ITGB7: variants seen among roughly 807,000 people sequenced by gnomAD.
ITGB7 encodes integrin subunit beta 7, also known as integrin beta-7.
In ITGB7, 55 loss-of-function variants were observed where a neutral mutation model predicts 83.4. That is an observed-to-expected ratio of 0.66 (90% confidence interval 0.53 to 0.83). The LOEUF is 0.83. ITGB7 is among the 40% of genes least tolerant of loss of function. ITGB7 has a pLI of 0.00. For synonymous variants in ITGB7, 454 were observed against 423.6 expected, an observed-to-expected ratio of 1.07 and a Z score of -0.88; for missense variants, 921 against 1,046.7, an observed-to-expected ratio of 0.88 and a Z score of 1.66.
At chr12:53,194,020 C>T in intron 10 of ITGB7, 119 bp from the exon 11 acceptor site, 2 of 1,303,332 alleles carry the variant, frequency 1.5e-6, no homozygotes, top group Non-Finnish European at 1.1e-6. Context: ...ATGTTAACAC[C>T]CAACTCCTAG....
At chr12:53,193,396 CAG>C (rs760984381) in intron 11 of ITGB7, 33 bp from the exon 12 acceptor site, 1 of 1,477,054 alleles carries the variant, frequency 6.8e-7, no homozygotes, top group African/African-American at 1.4e-5. Flanking sequence ...AGAAGTAGGT[CAG>C]AGGGTTTGAT....
At chr12:53,194,396 A>G (rs884374) in intron 9 of ITGB7, 52 bp from the exon 10 acceptor site, 137 of 1,578,640 alleles carry the variant, frequency 8.7e-5, no homozygotes, top group Non-Finnish European at 9.9e-5. Flanking sequence ...AAGGACTCCA[A>G]CCCCACCTTA....
Position 53,192,359 on chromosome 12 carries a change from G to A in ITGB7, c.2126C>T (p.Thr709Met), listed in dbSNP as rs536329362. The A allele has an allele frequency of 3.6e-5, 58 of 1,614,014 alleles. No homozygotes were observed. Among genetic ancestry groups the A allele is most frequent in the South Asian group, 3.3e-4 (30 of 91,072 alleles). The change falls in exon 14 of 16, where the codon ACG becomes ATG. Residue 709 changes from threonine to methionine, a missense_variant. By Grantham distance (81) the Thr-to-Met change is moderately conservative. Transcript: ENST00000267082. ...TTGGGGTCTCACTCTGAGCACGACC[G>A]TGCCTCTGGCGTCATCCTCCACCAA... ...FFLVEDDARG[T>M]VVLRVRPQEK... is the part of the protein sequence containing the mutation.
At position 53,194,254 on chromosome 12, in the gene ITGB7, T is replaced by C. The variant is rs924511917; in HGVS notation, c.1252A>G (p.Arg418Gly). Reference protein sequence around the residue: ...YESQCEGPEKREGKAEDRGQC... With the variant: ...YESQCEGPEKGEGKAEDRGQC... ...CCTCGATCCTCAGCCTTACCCTCCC[T>C]CTTCTCAGGACCCTCACACTGGGAT... The change falls in exon 10 of 16, where the codon AGG (arginine) becomes GGG (glycine). Residue 418 changes from arginine (R) to glycine (G), a missense_variant. Physicochemically the swap from Arg to Gly is moderately radical, Grantham distance 125. Transcript: ENST00000267082. 6.2e-7 allele frequency: 1 copy of C among 1,613,804 alleles called. No homozygotes were observed. The highest frequency in any genetic ancestry group is 1.3e-5 in the African/African-American group (1 of 74,810).
At position 53,192,358 on chromosome 12, in the gene ITGB7, C is replaced by T. The variant is rs768198931; in HGVS notation, c.2127G>A (p.Thr709=). Residue 709 remains threonine, a synonymous_variant, in exon 14 of 16, where the codon ACG becomes ACA. Transcript: ENST00000267082. ...FFLVEDDARG[T]VVLRVRPQEK... The stretch of plus-strand genomic sequence containing the variant: ...CTTGGGGTCTCACTCTGAGCACGAC[C>T]GTGCCTCTGGCGTCATCCTCCACCA... 30 of 1,614,014 alleles carry T rather than the reference C, an allele frequency of 1.9e-5. No individual in the cohort carries two copies. In the Admixed American group the frequency reaches 3.0e-4, roughly 16 times the overall value.
chr12:53,200,105 T>C, intron 3 of ITGB7, 138 bp downstream of exon 3: 2 of 731,272 alleles, frequency 2.7e-6, no homozygotes, highest in Non-Finnish European at 4.5e-6. Context: ...ACAAACTCAG[T>C]CACACATGAG....
chr12:53,193,304 G>T lies in ITGB7; in HGVS notation c.1562C>A (p.Pro521Gln). The change falls in exon 12 of 16, where the codon CCA becomes CAA. Residue 521 changes from proline to glutamine, a missense_variant. Pro to Gln is a moderately conservative substitution (Grantham distance 76, BLOSUM62 -1). Transcript: ENST00000267082. Reference protein sequence around the residue: ...CECSVAELSSPDLESGCRAPN... With the variant: ...CECSVAELSSQDLESGCRAPN... ...AGCCCGGCACCCAGATTCCAGGTCT[G>T]GGGAGGACAGCTCTGCCACAGAGCA... 1 of 1,611,450 alleles carries T rather than the reference G, an allele frequency of 6.2e-7. No individual in the cohort carries two copies. The highest frequency in any genetic ancestry group is 8.5e-7 in the Non-Finnish European group (1 of 1,178,018).
In ITGB7 at chr12:53,196,080, G is replaced by A; in HGVS notation, c.936C>T (p.His312=). 1 of 1,614,190 alleles carries A rather than the reference G, an allele frequency of 6.2e-7. No individual in the cohort carries two copies. The highest frequency in any genetic ancestry group is 8.5e-7 in the Non-Finnish European group (1 of 1,180,020). Residue 312 remains histidine, a synonymous_variant, in exon 7 of 16, where the codon CAC becomes CAT. Coordinates refer to ENST00000267082, the MANE Select transcript of ITGB7 (RefSeq NM_000889.3). ...GACTGTAGAGGCCATTGCTGTCCAA[G>A]TGGCAGTGCCCATCACTGGGCATGA... ...GIFMPSDGHC[H]LDSNGLYSRS... is the part of the protein sequence containing the mutation.
intron 1 of ITGB7, among the ~76,000 whole-genome samples, chr12:53,204,375 G>T (rs11170471): frequency 0.054 from 8,086 of 149,140 alleles, 342 homozygotes; most frequent in East Asian, 0.16. Flanking sequence ...AGCAAAACTC[G>T]GTCTCAAAAA....
At chr12:53,193,544 G>T (rs1942044817) in intron 11 of ITGB7, 164 bp downstream of exon 11, 2 of 751,008 alleles carry the variant, frequency 2.7e-6, no homozygotes, top group Admixed American at 3.0e-5. Context: ...CCAGTCAGGG[G>T]GAGGGCCTGG....
At position 53,193,207 on chromosome 12, in the gene ITGB7, C is replaced by T. The variant is rs1212966794; in HGVS notation, c.1659G>A (p.Gln553=). 2 of 1,614,142 alleles carry T rather than the reference C, an allele frequency of 1.2e-6. No homozygotes were observed. Among genetic ancestry groups the T allele is most frequent in the Admixed American group, 1.7e-5 (1 of 60,026 alleles). The part of the protein sequence containing the change: ...CQCGRCSCSG[Q]SSGHLCECDD... ...CACACTCGCACAGATGCCCAGAGCT[C>T]TGTCCACTGCAGCTGCAGCGTCCAC... Residue 553 remains glutamine, a synonymous_variant, in exon 12 of 16, where the codon CAG becomes CAA. Coordinates refer to ENST00000267082, the MANE Select transcript of ITGB7 (RefSeq NM_000889.3).
chr12:53,192,953 A>G (rs375665571), intron 12 of ITGB7, 43 bp from the exon 13 acceptor site: 194 of 1,582,436 alleles, frequency 1.2e-4, no homozygotes, highest in African/African-American at 4.7e-4. Context: ...TACTCCACAC[A>G]CACAGTTGGC....
chr12:53,204,958 G>T (rs1391722185), intron 1 of ITGB7, among the ~76,000 whole-genome samples: 3 of 150,726 alleles, frequency 2.0e-5, no homozygotes, highest in Non-Finnish European at 4.4e-5. Context: ...CTGAGTAGCT[G>T]GGATTACAGG....
At chr12:53,192,176 C>G (rs576160318) in intron 14 of ITGB7, 154 bp downstream of exon 14, 4 of 1,196,050 alleles carry the variant, frequency 3.3e-6, no homozygotes, top group Non-Finnish European at 4.7e-6. Flanking sequence ...AGGGCCTTAG[C>G]CTCGTCCACT....
intron 14 of ITGB7, 44 bp from the exon 15 acceptor site, chr12:53,192,063 G>A (rs778016038): frequency 6.3e-7 from 1 of 1,593,952 alleles, no homozygotes; most frequent in South Asian, 1.1e-5. Flanking sequence ...CTGGAGCATA[G>A]GGACAGATCA....
At position 53,196,159 on chromosome 12, in the gene ITGB7, A is replaced by C; in HGVS notation, c.857T>G (p.Phe286Cys). 1 of 1,614,150 alleles carries C rather than the reference A, an allele frequency of 6.2e-7. No individual in the cohort carries two copies. Among genetic ancestry groups the C allele is most frequent in the Non-Finnish European group, 8.5e-7 (1 of 1,179,994 alleles). ...TGTATGGAATGTGTCGTCTGAAGTGAACACCAGCAGCCGGGACACATTTCT... is the reference window on the plus strand; with the variant it reads ...TGTATGGAATGTGTCGTCTGAAGTGCACACCAGCAGCCGGGACACATTTCT... Reference protein sequence around the residue: ...GWRNVSRLLVFTSDDTFHTAG... With the variant: ...GWRNVSRLLVCTSDDTFHTAG... Residue 286 changes from phenylalanine to cysteine, a missense_variant, in exon 7 of 16, where the codon TTC becomes TGC. Physicochemically the swap from Phe to Cys is radical, Grantham distance 205. Coordinates refer to ENST00000267082, the MANE Select transcript of ITGB7 (RefSeq NM_000889.3).
At chr12:53,202,818 GGGTGTAGT>G (rs1043026284) in intron 1 of ITGB7, among the ~76,000 whole-genome samples, 151 of 152,130 alleles carry the variant, frequency 9.9e-4, no homozygotes, top group Middle Eastern at 6.8e-3. Flanking sequence ...AAAATTAGCC[GGGTGTAGT>G]GGCACACGCC....
Position 53,194,354 on chromosome 12 carries a change from G to T in ITGB7, c.1162-10C>A, listed in dbSNP as rs374421276. The T allele has an allele frequency of 6.2e-7, 1 of 1,613,626 alleles. No homozygotes were observed. The highest frequency in any genetic ancestry group is 8.5e-7 in the Non-Finnish European group (1 of 1,179,766). On this transcript the variant is annotated splice_polypyrimidine_tract_variant and intron_variant, in intron 9 of 15. Coordinates refer to ENST00000267082, the MANE Select transcript of ITGB7 (RefSeq NM_000889.3). ...CGGTGGAAGACAGGCTCTATGGGAAGAGAGCGAGTGGATAACCACGTGAAG... is the reference window on the plus strand; with the variant it reads ...CGGTGGAAGACAGGCTCTATGGGAATAGAGCGAGTGGATAACCACGTGAAG...
chr12:53,196,262 G>T, intron 6 of ITGB7, 63 bp from the exon 7 acceptor site: 1 of 1,568,086 alleles, frequency 6.4e-7, no homozygotes, highest in Non-Finnish European at 8.7e-7. Context: ...ACCCCAGCCA[G>T]CTCTGTGAGC....
Sources: gnomAD v4.1 joint callset for allele counts (sites outside exome capture counted in the v4.1 genomes callset) on GRCh38, gnomAD v4.1.1 for gene constraint, MANE v1.5 for transcripts, NCBI Gene and HGNC (gene_info 2026-07-23, HGNC 2026-07-21) for gene names.